PKHD1: variants seen among roughly 807,000 people sequenced by gnomAD.
PKHD1 encodes fibrocystin.
Under a neutral mutation model 412.0 loss-of-function variants are expected in PKHD1, and 291 were observed. The observed-to-expected ratio is 0.71, with a 90% CI of 0.64 to 0.78. The LOEUF (loss-of-function observed/expected upper bound fraction) is 0.78. PKHD1 is among the 30% of genes least tolerant of loss of function. PKHD1 has a pLI of 0.00. For missense variants in PKHD1, 4,825 were observed against 4,950.7 expected, an observed-to-expected ratio of 0.97 and a Z score of 0.76; for synonymous variants, 1,777 against 1,821.5, an observed-to-expected ratio of 0.98 and a Z score of 0.62.
rs556108612 is a variant in PKHD1, at chr6:51,688,085, C to A, written c.10157-28116G>T. Among the ~76,000 whole-genome samples, 3 of 152,300 alleles carry A rather than the reference C, an allele frequency of 2.0e-5. No individual in the cohort carries two copies. In the East Asian group the frequency reaches 5.8e-4, roughly 29 times the overall value. On this transcript the variant is annotated intron_variant, in intron 60 of 66. Transcript: ENST00000371117. ...ACTCTGATGTACATGTCATTGACAG[C>A]AGTAGGCTGCTAGAATTTGACACCA...
At chr6:52,017,093 G>A (rs948864701) in intron 34 of PKHD1, among the ~76,000 whole-genome samples, 3 of 152,124 alleles carry the variant, frequency 2.0e-5, no homozygotes, top group East Asian at 1.9e-4. Context: ...TTTTCATAAC[G>A]TCTAATCTTT....
intron 35 of PKHD1, among the ~76,000 whole-genome samples, chr6:51,994,554 T>C (rs1797488052): frequency 6.6e-6 from 1 of 152,108 alleles, no homozygotes; most frequent in East Asian, 1.9e-4. Context: ...TTTGGTTTTG[T>C]TTTTTTGGGT....
chr6:52,046,685 T>C (rs2128189428), intron 23 of PKHD1, among the ~76,000 whole-genome samples: 1 of 152,334 alleles, frequency 6.6e-6, no homozygotes, highest in South Asian at 2.1e-4. Context: ...GTTTCTCTAT[T>C]AGAATTTTCT....
chr6:51,948,719 G>C (rs1490634333), intron 36 of PKHD1, among the ~76,000 whole-genome samples: 1 of 152,114 alleles, frequency 6.6e-6, no homozygotes, highest in East Asian at 1.9e-4. Flanking sequence ...GACATGTAGA[G>C]TAAGAACAGA....
chr6:51,837,826 A>AT (rs948533976), intron 50 of PKHD1, among the ~76,000 whole-genome samples: 3 of 152,118 alleles, frequency 2.0e-5, no homozygotes, highest in African/African-American at 7.2e-5. Flanking sequence ...TATTTTGGTC[A>AT]TTTTCTCTTT....
At chr6:51,903,880 C>A in intron 42 of PKHD1, 106 bp downstream of exon 42, 1 of 602,428 alleles carries the variant, frequency 1.7e-6, no homozygotes, top group African/African-American at 2.3e-5. Flanking sequence ...ATTTAGTATG[C>A]ACAATAAACT....
chr6:51,726,593 T>C (rs1262839573), intron 60 of PKHD1, among the ~76,000 whole-genome samples: 1 of 152,186 alleles, frequency 6.6e-6, no homozygotes, highest in Non-Finnish European at 1.5e-5. Context: ...GCCAGCCCCA[T>C]ATGAACTGTC....
At chr6:51,975,758 T>C (rs1342360130) in intron 35 of PKHD1, 1 of 151,572 alleles carries the variant, frequency 6.6e-6, no homozygotes. Flanking sequence ...CACTATGCAC[T>C]AAGCATGTCT....
chr6:51,642,544 A>G (rs1769501541), intron 63 of PKHD1, among the ~76,000 whole-genome samples: 1 of 152,174 alleles, frequency 6.6e-6, no homozygotes, highest in Non-Finnish European at 1.5e-5. Context: ...GGTAAGGGAT[A>G]TAAGTAAGGG....
intron 21 of PKHD1, 23 bp downstream of exon 21, chr6:52,053,053 A>T: frequency 6.2e-7 from 1 of 1,603,684 alleles, no homozygotes; most frequent in Non-Finnish European, 8.5e-7. Flanking sequence ...CGGCTTGTGG[A>T]GGAGAGAGAA....
chr6:52,016,770 G>T (rs1800606523), intron 34 of PKHD1, among the ~76,000 whole-genome samples: 1 of 152,134 alleles, frequency 6.6e-6, no homozygotes, highest in Admixed American at 6.5e-5. Flanking sequence ...CCCTGTATAG[G>T]AAAGGAACTC....
chr6:51,950,220 A>AAAAAAAAATAT, intron 36 of PKHD1, among the ~76,000 whole-genome samples: 20 of 98,304 alleles, frequency 2.0e-4, no homozygotes, highest in Non-Finnish European at 3.1e-4. Context: ...GAAAAAAAAA[A>AAAAAAAAATAT]ATATATATAT....
At chr6:51,845,159 T>C (rs1028360519) in intron 50 of PKHD1, among the ~76,000 whole-genome samples, 2 of 152,318 alleles carry the variant, frequency 1.3e-5, no homozygotes, top group Non-Finnish European at 1.5e-5. Flanking sequence ...CATTATGGCA[T>C]TGGGAAATGC....
intron 35 of PKHD1, among the ~76,000 whole-genome samples, chr6:51,987,509 G>A (rs1203150180): frequency 6.6e-6 from 1 of 152,162 alleles, no homozygotes; most frequent in Non-Finnish European, 1.5e-5. Context: ...GCTGGAAAGT[G>A]GTGGAACCAA....
rs1409375709 is a variant in PKHD1, at chr6:52,026,028, C to A, written c.3782G>T (p.Gly1261Val). The A allele has an allele frequency of 6.2e-7, 1 of 1,613,954 alleles. No individual in the cohort carries two copies. The highest frequency in any genetic ancestry group is 1.7e-5 in the Admixed American group (1 of 60,002). ...TLPAPQIPDA[G>V]APTVPAAVEV... ...CACGGCAGCTGGAACAGTGGGAGCG[C>A]CCGCATCGGGTATCTGGGGGGCTGG... The change falls in exon 32 of 67, where the codon GGC (glycine) becomes GTC (valine). Residue 1261 changes from glycine to valine, a missense_variant. Transcript: ENST00000371117.
intron 23 of PKHD1, 149 bp downstream of exon 23, chr6:52,048,343 T>C: frequency 1.1e-6 from 1 of 876,134 alleles, no homozygotes. Context: ...AATCTTTCAC[T>C]TTAAGAATGT....
At chr6:51,869,209 A>C (rs1321511) in intron 47 of PKHD1, among the ~76,000 whole-genome samples, 61,028 of 151,794 alleles carry the variant, frequency 0.4, 13,460 homozygotes, top group East Asian at 0.85. Flanking sequence ...CTTCTTTGTG[A>C]TTTCCCAAGC....
intron 35 of PKHD1, among the ~76,000 whole-genome samples, chr6:52,002,593 T>C (rs1483443377): frequency 6.6e-6 from 1 of 152,052 alleles, no homozygotes; most frequent in Non-Finnish European, 1.5e-5. Flanking sequence ...AATAACTAGC[T>C]CAACCCTGCT....
chr6:51,670,340 G>C (rs1774706640), intron 60 of PKHD1, among the ~76,000 whole-genome samples: 2 of 152,118 alleles, frequency 1.3e-5, no homozygotes, highest in African/African-American at 2.4e-5. Flanking sequence ...TTGGTTTAAA[G>C]TCTGTTTTAT....
Sources: gnomAD v4.1 joint callset for allele counts (sites outside exome capture counted in the v4.1 genomes callset) on GRCh38, gnomAD v4.1.1 for gene constraint, MANE v1.5 for transcripts, NCBI Gene and HGNC (gene_info 2026-07-23, HGNC 2026-07-21) for gene names.